RASAL2: variants seen among roughly 807,000 people sequenced by gnomAD.
The protein encoded by RASAL2 is RAS protein activator like 2.
Under a neutral mutation model 128.9 loss-of-function variants are expected in RASAL2, and 58 were observed. The observed-to-expected ratio is 0.45, with a 90% CI of 0.36 to 0.56. RASAL2 has a LOEUF of 0.56. Among genes scored for constraint, RASAL2 ranks in the 20% least tolerant of loss-of-function variants. The pLI is 0.00. For synonymous variants in RASAL2, 561 were observed against 580.8 expected (o/e 0.97, Z 0.49); for missense variants, 1,360 against 1,601.6 (o/e 0.85, Z 2.57).
At chr1:178,189,478 C>G (rs539869738) in intron 1 of RASAL2, among the ~76,000 whole-genome samples, 2 of 152,084 alleles carry the variant, frequency 1.3e-5, no homozygotes, top group Non-Finnish European at 2.9e-5. Context: ...AAAAATTTAA[C>G]GAATACATTT....
At chr1:178,333,229 G>T (rs561219294) in intron 3 of RASAL2, among the ~76,000 whole-genome samples, 3 of 151,218 alleles carry the variant, frequency 2.0e-5, no homozygotes, top group East Asian at 4.0e-4. Flanking sequence ...GGGGTTTCAC[G>T]TGTTAGCCAG....
intron 15 of RASAL2, among the ~76,000 whole-genome samples, chr1:178,465,456 G>T (rs1008513660): frequency 4.6e-5 from 7 of 152,164 alleles, no homozygotes; most frequent in Admixed American, 4.6e-4. Context: ...ATCCTACAGT[G>T]CAGATGATGA....
At chr1:178,169,484 C>G (rs1661632475) in intron 1 of RASAL2, among the ~76,000 whole-genome samples, 1 of 152,076 alleles carries the variant, frequency 6.6e-6, no homozygotes, top group South Asian at 2.1e-4. Context: ...ACAATTGACA[C>G]TAATTGCTTA....
In RASAL2 at chr1:178,457,731, C is replaced by T; in HGVS notation, c.2439C>T (p.Tyr813=). The T allele has an allele frequency of 6.2e-7, 1 of 1,614,162 alleles. No homozygotes were observed. The highest frequency in any genetic ancestry group is 8.5e-7 in the Non-Finnish European group (1 of 1,180,012). ...CAAGCCAGGACAACACAGACAGCTA[C>T]TTCAGAGGGAAAACATTATTGCTGG... The part of the protein sequence containing the change: ...KSPSQDNTDS[Y]FRGKTLLLVQ... Residue 813 remains tyrosine (Y), a synonymous_variant, in exon 14 of 18, where the codon TAC becomes TAT. Transcript: ENST00000367649.
chr1:178,105,686 CTTTTTTT>C (rs71108025), intron 1 of RASAL2, among the ~76,000 whole-genome samples: 1 of 140,714 alleles, frequency 7.1e-6, no homozygotes, highest in Admixed American at 7.1e-5. Context: ...TTTTGGGGTT[CTTTTTTT>C]TTTTTTTGAG....
intron 1 of RASAL2, among the ~76,000 whole-genome samples, chr1:178,283,335 G>A (rs1666870952): frequency 1.3e-5 from 2 of 152,130 alleles, no homozygotes; most frequent in African/African-American, 4.8e-5. Flanking sequence ...TGCACTAACA[G>A]TTCTTCCCAG....
chr1:178,247,415 G>C (rs1181928889), intron 1 of RASAL2, among the ~76,000 whole-genome samples: 6 of 152,052 alleles, frequency 3.9e-5, no homozygotes, highest in Non-Finnish European at 8.8e-5. Context: ...TGTGGGATCA[G>C]TGATGATATC....
intron 1 of RASAL2, among the ~76,000 whole-genome samples, chr1:178,115,792 G>A (rs970977843): frequency 2.6e-5 from 4 of 152,170 alleles, no homozygotes; most frequent in African/African-American, 7.2e-5. Context: ...GTAAAACATG[G>A]TGATAATTTG....
chr1:178,441,466 G>A (rs755923276), intron 6 of RASAL2, 83 bp from the exon 7 acceptor site: 16 of 909,756 alleles, frequency 1.8e-5, no homozygotes, highest in Admixed American at 3.9e-5. Flanking sequence ...TCATTTAAGA[G>A]TTAGAGGTAT....
chr1:178,356,251 A>AGT (rs1378274936), intron 3 of RASAL2, among the ~76,000 whole-genome samples: 1 of 152,100 alleles, frequency 6.6e-6, no homozygotes, highest in African/African-American at 2.4e-5. Flanking sequence ...ATGATACTAA[A>AGT]GTTGTCAAGC....
At chr1:178,161,114 A>T (rs926853075) in intron 1 of RASAL2, among the ~76,000 whole-genome samples, 3 of 160 alleles carry the variant, frequency 0.019, no homozygotes, top group Admixed American at 0.15. Flanking sequence ...CAAATACTTT[A>T]AAAAAAAAAG....
intron 1 of RASAL2, among the ~76,000 whole-genome samples, chr1:178,237,094 G>T (rs558536525): frequency 7.9e-5 from 12 of 152,038 alleles, no homozygotes; most frequent in African/African-American, 2.4e-4. Context: ...ATTTTATCTG[G>T]TTTAATCCTC....
chr1:178,101,431 A>T (rs576738198), intron 1 of RASAL2, among the ~76,000 whole-genome samples: 1 of 152,116 alleles, frequency 6.6e-6, no homozygotes, highest in African/African-American at 2.4e-5. Flanking sequence ...ATTATCTTCA[A>T]CATTGCTCGA....
At chr1:178,299,698 T>C (rs1667678264) in intron 2 of RASAL2, among the ~76,000 whole-genome samples, 1 of 152,098 alleles carries the variant, frequency 6.6e-6, no homozygotes, top group African/African-American at 2.4e-5. Flanking sequence ...GGTTTCACCA[T>C]GTTGGCCAGG....
At chr1:178,119,570 A>G (rs1160047089) in intron 1 of RASAL2, among the ~76,000 whole-genome samples, 1 of 152,244 alleles carries the variant, frequency 6.6e-6, no homozygotes, top group Non-Finnish European at 1.5e-5. Context: ...CAGTCACTCC[A>G]TCCTTGCATA....
intron 1 of RASAL2, among the ~76,000 whole-genome samples, chr1:178,218,432 A>T (rs774159177): frequency 6.6e-6 from 1 of 152,218 alleles, no homozygotes; most frequent in Non-Finnish European, 1.5e-5. Context: ...CATGCCTGTA[A>T]TCCCAGCACT....
At chr1:178,391,334 A>G (rs201602597) in intron 4 of RASAL2, among the ~76,000 whole-genome samples, 1 of 152,230 alleles carries the variant, frequency 6.6e-6, no homozygotes, top group East Asian at 1.9e-4. Context: ...TATGTTTGTG[A>G]CATGCATCCA....
At chr1:178,223,036 A>G (rs866948699) in intron 1 of RASAL2, among the ~76,000 whole-genome samples, 1 of 152,204 alleles carries the variant, frequency 6.6e-6, no homozygotes, top group Non-Finnish European at 1.5e-5. Flanking sequence ...TCATGGTATC[A>G]GAGATAATGT....
intron 1 of RASAL2, among the ~76,000 whole-genome samples, chr1:178,236,859 G>A (rs1321392319): frequency 6.6e-6 from 1 of 150,728 alleles, no homozygotes; most frequent in Non-Finnish European, 1.5e-5. Flanking sequence ...CGCCTCCCGG[G>A]TTCAAGTGGT....
Sources: gnomAD v4.1 joint callset for allele counts (sites outside exome capture counted in the v4.1 genomes callset) on GRCh38, gnomAD v4.1.1 for gene constraint, MANE v1.5 for transcripts, NCBI Gene and HGNC (gene_info 2026-07-23, HGNC 2026-07-21) for gene names.